The following ASTN1 variants were observed in gnomAD, a reference collection of about 807,000 sequenced individuals.
The protein encoded by ASTN1 is astrotactin-1.
Under a neutral mutation model 140.7 loss-of-function variants are expected in ASTN1, and 41 were observed. That is an observed-to-expected ratio of 0.29 (90% confidence interval 0.23 to 0.38). The LOEUF (loss-of-function observed/expected upper bound fraction) is 0.38. Among genes scored for constraint, ASTN1 ranks in the 10% least tolerant of loss-of-function variants. ASTN1 has a pLI of 1.00. For missense variants in ASTN1, 1,479 were observed against 1,678.8 expected, an observed-to-expected ratio of 0.88 and a Z score of 2.08; for synonymous variants, 640 against 652.2, an observed-to-expected ratio of 0.98 and a Z score of 0.29.
At chr1:176,956,935 TTGCCCA>T (rs1672431950) in intron 11 of ASTN1, among the ~76,000 whole-genome samples, 1 of 152,218 alleles carries the variant, frequency 6.6e-6, no homozygotes, top group African/African-American at 2.4e-5. Flanking sequence ...TCTCACTCTG[TTGCCCA>T]GGTTGAAGTG....
chr1:176,874,441 G>T (rs945544938), intron 21 of ASTN1, among the ~76,000 whole-genome samples: 3 of 152,228 alleles, frequency 2.0e-5, no homozygotes, highest in Admixed American at 1.3e-4. Context: ...AAGGGCTTCA[G>T]TCTTTGACAT....
chr1:176,878,741 C>A (rs1332328019), intron 20 of ASTN1, among the ~76,000 whole-genome samples: 1 of 152,064 alleles, frequency 6.6e-6, no homozygotes, highest in Non-Finnish European at 1.5e-5. Flanking sequence ...AAGAAGGCGC[C>A]CAAAGGTACC....
At chr1:176,961,170 G>A (rs910259344) in intron 9 of ASTN1, among the ~76,000 whole-genome samples, 7 of 152,114 alleles carry the variant, frequency 4.6e-5, no homozygotes, top group African/African-American at 1.7e-4. Context: ...AAGTTTCTGG[G>A]GAACATAATC....
intron 16 of ASTN1, among the ~76,000 whole-genome samples, chr1:176,905,196 T>C (rs1450478392): frequency 6.6e-6 from 1 of 152,176 alleles, no homozygotes; most frequent in Non-Finnish European, 1.5e-5. Context: ...TGCCATTACT[T>C]GCCCCAGCTC....
intron 1 of ASTN1, among the ~76,000 whole-genome samples, chr1:177,078,906 T>G (rs1429596432): frequency 1.3e-5 from 2 of 152,122 alleles, no homozygotes; most frequent in Admixed American, 1.3e-4. Context: ...TGATAAAATA[T>G]CCTACTTCTA....
intron 1 of ASTN1, among the ~76,000 whole-genome samples, chr1:177,094,801 T>C (rs1162133100): frequency 6.6e-6 from 1 of 152,146 alleles, no homozygotes; most frequent in Non-Finnish European, 1.5e-5. Flanking sequence ...AAAGCCTAGA[T>C]TGCTGTGAAA....
chr1:176,860,921 AT>A (rs1243215725), downstream of ASTN1: 27 of 278,574 alleles, frequency 9.7e-5, no homozygotes, highest in African/African-American at 4.6e-4. Context: ...GAAATATTTG[AT>A]TCTTTTTTTT....
chr1:176,925,897 C>T (rs941619154), intron 16 of ASTN1, among the ~76,000 whole-genome samples: 1 of 151,714 alleles, frequency 6.6e-6, no homozygotes, highest in African/African-American at 2.4e-5. Context: ...GCTCTGCCTC[C>T]CGGGTTCATG....
intron 8 of ASTN1, among the ~76,000 whole-genome samples, chr1:177,010,060 G>A (rs12724698): frequency 0.35 from 52,761 of 151,962 alleles, 9,976 homozygotes; most frequent in Non-Finnish European, 0.43. Context: ...AAACATGATT[G>A]TAGTCTTTCG....
intron 1 of ASTN1, among the ~76,000 whole-genome samples, chr1:177,123,025 TG>T (rs1681476880): frequency 6.6e-6 from 1 of 152,012 alleles, no homozygotes; most frequent in Admixed American, 6.5e-5. Flanking sequence ...CTCCAGGGAG[TG>T]TGCAGTGCAG....
intron 18 of ASTN1, among the ~76,000 whole-genome samples, chr1:176,886,144 A>T (rs372202293): frequency 6.6e-6 from 1 of 152,330 alleles, no homozygotes; most frequent in East Asian, 1.9e-4. Flanking sequence ...AGTGTATATG[A>T]TTTACACAGA....
At chr1:176,898,171 T>C (rs1219739922) in intron 16 of ASTN1, among the ~76,000 whole-genome samples, 1 of 152,168 alleles carries the variant, frequency 6.6e-6, no homozygotes, top group Admixed American at 6.5e-5. Flanking sequence ...CTAGCAAGAT[T>C]AGGGAGTAGA....
At chr1:177,021,932 C>T (rs2101953603) in intron 7 of ASTN1, among the ~76,000 whole-genome samples, 1 of 152,334 alleles carries the variant, frequency 6.6e-6, no homozygotes, top group African/African-American at 2.4e-5. Context: ...GCATGGTACA[C>T]AGCCCATCTG....
At chr1:176,949,498 G>A (rs1475511407) in intron 11 of ASTN1, 147 bp from the exon 12 acceptor site, 2 of 930,880 alleles carry the variant, frequency 2.1e-6, no homozygotes, top group Non-Finnish European at 3.1e-6. Context: ...TCCTACCACA[G>A]CAGACTTCTT....
rs571521221 is a variant in ASTN1 at position 177,087,654 on chromosome 1, A to T, written c.284-26389T>A. 2.6e-5 allele frequency among the ~76,000 whole-genome samples: 4 copies of T among 152,336 alleles called. No homozygotes were observed. The South Asian group carries it at 8.3e-4, about 32-fold the overall frequency. On this transcript the variant is annotated intron_variant, in intron 1 of 22. Coordinates refer to ENST00000361833, the MANE Select transcript of ASTN1 (RefSeq NM_004319.3). ...TGAATCAATGTCCCCGTAGTCTGCT[A>T]GTCCGCAACCGTGTTTCACGCAGAC...
chr1:176,910,425 A>T (rs1001457308), intron 16 of ASTN1, among the ~76,000 whole-genome samples: 3 of 152,194 alleles, frequency 2.0e-5, no homozygotes, highest in Non-Finnish European at 4.4e-5. Context: ...TAGAGCAAAT[A>T]CAAAGTTATT....
rs1466203252 is a variant in ASTN1, at chr1:176,945,933, T to C, written c.2242A>G (p.Thr748Ala). The change falls in exon 13 of 23, where the codon ACA (threonine) becomes GCA (alanine). Residue 748 changes from threonine (T) to alanine (A), a missense_variant. By Grantham distance (58) the Thr-to-Ala change is moderately conservative. Around this residue, in one of 3 missense-constraint regions of ASTN1, gnomAD observed 746 missense variants for 800.9 expected, o/e 0.93. Coordinates refer to ENST00000361833, the MANE Select transcript of ASTN1 (RefSeq NM_004319.3). ...EVAAGQVLKG[T>A]FRQNNFARGL... ...TATGTATATGAGGTTTACCTGAATGTTCCTTTCAGCACCTGTCCGGCAGCC... is the reference window on the plus strand; with the variant it reads ...TATGTATATGAGGTTTACCTGAATGCTCCTTTCAGCACCTGTCCGGCAGCC... 3 of 1,609,150 alleles carry C rather than the reference T, an allele frequency of 1.9e-6. No homozygotes were observed. Among genetic ancestry groups the C allele is most frequent in the African/African-American group, 2.7e-5 (2 of 74,874 alleles).
intron 22 of ASTN1, among the ~76,000 whole-genome samples, chr1:176,865,485 ATCAGGATCCTCTCAT>A (rs959963269): frequency 6.6e-5 from 10 of 152,312 alleles, no homozygotes; most frequent in Admixed American, 5.2e-4. Context: ...AGAGTAAAAG[ATCAGGATCCTCTCAT>A]TCAGTTGTGT....
At chr1:176,957,480 C>A (rs1250656985) in intron 11 of ASTN1, among the ~76,000 whole-genome samples, 198 bp downstream of exon 11, 1 of 152,198 alleles carries the variant, frequency 6.6e-6, no homozygotes, top group South Asian at 2.1e-4. Flanking sequence ...ATAGTAGGTA[C>A]TCCATAACAA....
Sources: gnomAD v4.1 joint callset for allele counts (sites outside exome capture counted in the v4.1 genomes callset) on GRCh38, gnomAD v4.1.1 for gene constraint, gnomAD v4.1.1 regional missense constraint, MANE v1.5 for transcripts, NCBI Gene and HGNC (gene_info 2026-07-23, HGNC 2026-07-21) for gene names.